SPATA16: variants seen among roughly 807,000 people sequenced by gnomAD.
SPATA16 encodes the protein spermatogenesis-associated protein 16.
In SPATA16, 36 loss-of-function variants were observed where a neutral mutation model predicts 63.3. That is an observed-to-expected ratio of 0.57 (90% CI 0.44 to 0.75). SPATA16 has a LOEUF of 0.75. Among genes scored for constraint, SPATA16 ranks in the 30% least tolerant of loss-of-function variants. The pLI, the probability that SPATA16 is intolerant of heterozygous loss-of-function variation, is 0.00. For synonymous variants in SPATA16, 203 were observed against 216.7 expected (o/e 0.94, Z 0.56); for missense variants, 646 against 679.3 (o/e 0.95, Z 0.54).
chr3:173,115,900 T>G (rs1737885534), intron 2 of SPATA16, among the ~76,000 whole-genome samples: 1 of 148,856 alleles, frequency 6.7e-6, no homozygotes, highest in Non-Finnish European at 1.5e-5. Flanking sequence ...TTTTTTTTCT[T>G]TTTTTTTTTT....
At chr3:173,124,866 T>C (rs1396482411) in intron 1 of SPATA16, among the ~76,000 whole-genome samples, 1 of 152,092 alleles carries the variant, frequency 6.6e-6, no homozygotes, top group African/African-American at 2.4e-5. Flanking sequence ...CCTTCTTTTC[T>C]CCAGCTACAT....
intron 10 of SPATA16, among the ~76,000 whole-genome samples, chr3:172,908,340 A>G (rs1487307337): frequency 2.0e-5 from 3 of 152,198 alleles, no homozygotes; most frequent in African/African-American, 4.8e-5. Flanking sequence ...TAACCTGGTC[A>G]TTTTGTATTT....
chr3:173,087,413 T>C (rs1242067358), intron 2 of SPATA16, among the ~76,000 whole-genome samples: 1 of 152,204 alleles, frequency 6.6e-6, no homozygotes, highest in Admixed American at 6.5e-5. Flanking sequence ...TGAGCCTATG[T>C]GTGTCTTTGT....
At chr3:173,108,744 T>C (rs1426792305) in intron 2 of SPATA16, among the ~76,000 whole-genome samples, 2 of 152,230 alleles carry the variant, frequency 1.3e-5, no homozygotes, top group East Asian at 1.9e-4. Flanking sequence ...CCATTTTTTA[T>C]TTTTCATACC....
chr3:173,123,244 C>T (rs1738131461), intron 1 of SPATA16, among the ~76,000 whole-genome samples: 1 of 152,182 alleles, frequency 6.6e-6, no homozygotes, highest in Non-Finnish European at 1.5e-5. Flanking sequence ...CCATTTGTTT[C>T]TGACAACAAC....
chr3:172,923,932 GTTGAATTAGATA>G (rs1327877502), intron 8 of SPATA16, among the ~76,000 whole-genome samples: 1 of 152,170 alleles, frequency 6.6e-6, no homozygotes. Flanking sequence ...TCACTGCAAT[GTTGAATTAGATA>G]TTAGGAAGGC....
chr3:173,087,870 T>C (rs984542901), intron 2 of SPATA16, among the ~76,000 whole-genome samples: 1 of 152,114 alleles, frequency 6.6e-6, no homozygotes, highest in African/African-American at 2.4e-5. Context: ...TTCTGGCTTG[T>C]AGGGTTTCCA....
In SPATA16 at chr3:173,118,184, G is replaced by A. The variant is rs1737958395; in HGVS notation, c.-18-435C>T. On this transcript the variant is annotated intron_variant, in intron 1 of 10. Transcript: ENST00000351008. ...ACTCACCTGAATAATAGACTTGGGA[G>A]TCTAAAGAAACCCCAGCTGCTTCCT... Among the ~76,000 whole-genome samples the A allele has an allele frequency of 3.3e-5, 5 of 152,182 alleles. No individual in the cohort carries two copies. In the South Asian group the frequency reaches 1.0e-3, roughly 31 times the overall value.
intron 8 of SPATA16, among the ~76,000 whole-genome samples, chr3:172,921,258 C>A (rs1426620313): frequency 6.6e-6 from 1 of 151,954 alleles, no homozygotes; most frequent in East Asian, 1.9e-4. Flanking sequence ...TTGAAACAGA[C>A]AACAGAAATG....
rs372859955 is a variant in SPATA16 at position 172,941,757 on chromosome 3, T to C, written c.1081+14920A>G. ...AAAATTGGTAGACATGTGTATATAA[T>C]AATTATAGATAAATGTTGATTATGT... On this transcript the variant is annotated intron_variant, in intron 6 of 10. Coordinates refer to ENST00000351008, the MANE Select transcript of SPATA16 (RefSeq NM_031955.6). Among the ~76,000 whole-genome samples the C allele has an allele frequency of 7.5e-4, 114 of 152,310 alleles. 2 individuals are homozygous for C. In the South Asian group the frequency reaches 0.023, roughly 31 times the overall value.
At chr3:173,009,708 C>T (rs1735020522) in intron 4 of SPATA16, among the ~76,000 whole-genome samples, 1 of 152,262 alleles carries the variant, frequency 6.6e-6, no homozygotes, top group Non-Finnish European at 1.5e-5. Context: ...CCAGTGTGCA[C>T]ACCTGCCTGT....
intron 6 of SPATA16, among the ~76,000 whole-genome samples, chr3:172,933,298 A>G (rs1339880853): frequency 6.6e-6 from 1 of 152,040 alleles, no homozygotes; most frequent in Non-Finnish European, 1.5e-5. Context: ...TCCCCTTTTT[A>G]TTCCTTGGTG....
At chr3:173,049,489 T>C (rs1736033098) in intron 2 of SPATA16, among the ~76,000 whole-genome samples, 1 of 152,112 alleles carries the variant, frequency 6.6e-6, no homozygotes. Flanking sequence ...TAAATCATAT[T>C]AAATACCAGT....
At chr3:172,895,527 G>A (rs148032068) in intron 10 of SPATA16, among the ~76,000 whole-genome samples, 146 of 152,078 alleles carry the variant, frequency 9.6e-4, no homozygotes, top group Non-Finnish European at 1.8e-3. Flanking sequence ...GTAGAGACAG[G>A]GTTTCACCAT....
At chr3:173,012,644 C>A (rs1360302440) in intron 4 of SPATA16, among the ~76,000 whole-genome samples, 2 of 152,120 alleles carry the variant, frequency 1.3e-5, no homozygotes, top group Non-Finnish European at 2.9e-5. Context: ...ATCATCTGAT[C>A]TTTGACAAAG....
At chr3:173,005,319 T>G (rs1465535119) in intron 4 of SPATA16, among the ~76,000 whole-genome samples, 1 of 131,582 alleles carries the variant, frequency 7.6e-6, no homozygotes, top group African/African-American at 2.9e-5. Context: ...CAAGACTCTG[T>G]CTCAAAAGAA....
chr3:172,931,345 A>G (rs1486123293), intron 6 of SPATA16, among the ~76,000 whole-genome samples: 2 of 152,184 alleles, frequency 1.3e-5, no homozygotes, highest in Non-Finnish European at 2.9e-5. Context: ...GGCTCAGGCA[A>G]TCCTCCTGCC....
intron 2 of SPATA16, among the ~76,000 whole-genome samples, chr3:173,055,474 G>A (rs922535579): frequency 2.0e-5 from 3 of 152,162 alleles, no homozygotes; most frequent in Non-Finnish European, 2.9e-5. Flanking sequence ...TCCATGCAGT[G>A]ACTTGAATGA....
intron 1 of SPATA16, among the ~76,000 whole-genome samples, chr3:173,119,083 C>T (rs1355253948): frequency 2.0e-5 from 3 of 151,988 alleles, no homozygotes; most frequent in African/African-American, 4.8e-5. Context: ...CATATTCTCA[C>T]TCATAAGTGG....
Sources: allele counts gnomAD v4.1 joint callset (sites outside exome capture counted in the v4.1 genomes callset), GRCh38; gene constraint gnomAD v4.1.1; transcripts MANE v1.5; gene names NCBI Gene and HGNC (gene_info 2026-07-23, HGNC 2026-07-21).